MGAT5: variants seen among roughly 807,000 people sequenced by gnomAD.
MGAT5 encodes the protein alpha-1,6-mannosylglycoprotein 6-beta-N-acetylglucosaminyltransferase A.
A neutral mutation model predicts 94.3 loss-of-function variants in MGAT5; 30 were observed. The ratio of observed to expected loss-of-function variants is 0.32; its 90% CI spans 0.24 to 0.43. The LOEUF is 0.43. Among genes scored for constraint, MGAT5 ranks in the 20% least tolerant of loss-of-function variants. MGAT5 has a pLI of 1.00. For synonymous variants in MGAT5, 310 were observed against 322.9 expected, an observed-to-expected ratio of 0.96 and a Z score of 0.43; for missense variants, 691 against 905.5, an observed-to-expected ratio of 0.76 and a Z score of 3.04.
chr2:134,425,257 C>T (rs1364077261), intron 13 of MGAT5, among the ~76,000 whole-genome samples: 1 of 152,052 alleles, frequency 6.6e-6, no homozygotes, highest in Non-Finnish European at 1.5e-5. Context: ...TAATGGAGAC[C>T]GTAAAAGGGT....
chr2:134,151,912 A>G (rs1573751157), intron 1 of MGAT5, among the ~76,000 whole-genome samples: 1 of 126,570 alleles, frequency 7.9e-6, no homozygotes, highest in Non-Finnish European at 1.6e-5. Flanking sequence ...ATGGGACCTC[A>G]CTCACGCCCT....
intron 1 of MGAT5, among the ~76,000 whole-genome samples, chr2:134,170,732 C>T (rs1688162570): frequency 6.6e-6 from 1 of 152,088 alleles, no homozygotes; most frequent in African/African-American, 2.4e-5. Context: ...AGTCCATGAA[C>T]ATCAGAAACA....
intron 1 of MGAT5, among the ~76,000 whole-genome samples, chr2:134,219,526 G>A (rs1447911626): frequency 1.3e-5 from 2 of 152,144 alleles, no homozygotes; most frequent in Non-Finnish European, 2.9e-5. Flanking sequence ...TGAGGAAGCC[G>A]GGATAGTATA....
chr2:134,414,107 G>T (rs1683825160), intron 12 of MGAT5, among the ~76,000 whole-genome samples: 1 of 150,674 alleles, frequency 6.6e-6, no homozygotes, highest in African/African-American at 2.4e-5. Context: ...GTTAATCCGT[G>T]GCCCAGATAA....
Position 134,351,369 on chromosome 2 carries a change from A to T in MGAT5, c.1246+1431A>T, listed in dbSNP as rs114625947. ...GCCTAAGAAGTGACCTATGTGTTAA[A>T]CCAAGTGAAATAAAACATTAACTGT... is the stretch of plus-strand genomic sequence containing the variant. On this transcript the variant is annotated intron_variant, in intron 9 of 15. Transcript: ENST00000281923. Among the ~76,000 whole-genome samples the T allele has an allele frequency of 5.6e-3, 853 of 152,274 alleles. 4 individuals carry two copies. Among genetic ancestry groups the T allele is most frequent in the African/African-American group, 0.02 (822 of 41,570 alleles).
At chr2:134,246,195 G>T (rs575299591) in intron 1 of MGAT5, among the ~76,000 whole-genome samples, 2 of 143,784 alleles carry the variant, frequency 1.4e-5, no homozygotes, top group Non-Finnish European at 3.0e-5. Flanking sequence ...AAAGGACCCA[G>T]GTCCTGAAAG....
At chr2:134,379,405 GAC>G (rs1681396788) in intron 10 of MGAT5, among the ~76,000 whole-genome samples, 1 of 152,222 alleles carries the variant, frequency 6.6e-6, no homozygotes, top group South Asian at 2.1e-4. Flanking sequence ...CTCAGGAATA[GAC>G]ACAGAGGTCT....
chr2:134,133,682 T>A (rs1240801707), intron 1 of MGAT5, among the ~76,000 whole-genome samples: 1 of 152,196 alleles, frequency 6.6e-6, no homozygotes, highest in Non-Finnish European at 1.5e-5. Context: ...AAAGGTTTAA[T>A]CAAAGGGCCA....
chr2:134,412,337 C>A (rs1482740638), intron 11 of MGAT5, among the ~76,000 whole-genome samples: 2 of 152,126 alleles, frequency 1.3e-5, no homozygotes. Flanking sequence ...ATTATGAAAA[C>A]CTGTGTTTAC....
chr2:134,193,571 C>G (rs1252624354), intron 1 of MGAT5, among the ~76,000 whole-genome samples: 1 of 152,120 alleles, frequency 6.6e-6, no homozygotes, highest in Admixed American at 6.5e-5. Context: ...GCCCTCCTTC[C>G]TAGCCCTCTT....
chr2:134,333,524 T>C (rs1213590936), intron 4 of MGAT5, among the ~76,000 whole-genome samples: 1 of 151,714 alleles, frequency 6.6e-6, no homozygotes, highest in Non-Finnish European at 1.5e-5. Flanking sequence ...GCATGGCACA[T>C]GTATACATAT....
rs544396416 is a variant in MGAT5 at position 134,448,844 on chromosome 2, A to G, written c.2223A>G (p.Leu741=). 8.1e-6 allele frequency: 13 copies of G among 1,612,670 alleles called. No homozygotes were observed. Among genetic ancestry groups the G allele is most frequent in the Non-Finnish European group, 9.3e-6 (11 of 1,179,814 alleles). Residue 741 remains leucine, a synonymous_variant, in exon 16 of 16, where the codon CTA becomes CTG. Coordinates refer to ENST00000281923, the MANE Select transcript of MGAT5 (RefSeq NM_002410.5). ...KGQVALCKDC[L] ...AGGTGGCTCTCTGCAAAGACTGCCT[A>G]TAGCAGCTACCTGCTCAGCCCTGCA...
chr2:134,192,661 AT>A (rs1679287228), intron 1 of MGAT5, among the ~76,000 whole-genome samples: 2 of 151,998 alleles, frequency 1.3e-5, no homozygotes, highest in South Asian at 2.1e-4. Flanking sequence ...ACTTTTTAAA[AT>A]TTTTTTATTT....
intron 2 of MGAT5, among the ~76,000 whole-genome samples, chr2:134,294,262 T>C (rs1424545205): frequency 6.6e-6 from 1 of 152,212 alleles, no homozygotes; most frequent in Non-Finnish European, 1.5e-5. Context: ...ATCTCTGCAC[T>C]GGCAGTAAAG....
chr2:134,356,386 C>T (rs911127268), intron 9 of MGAT5, among the ~76,000 whole-genome samples: 1 of 152,048 alleles, frequency 6.6e-6, no homozygotes, highest in Non-Finnish European at 1.5e-5. Context: ...ACAGAGCTGA[C>T]TAAGCCTAAG....
At chr2:134,368,774 G>T (rs926059969) in intron 10 of MGAT5, among the ~76,000 whole-genome samples, 1 of 152,186 alleles carries the variant, frequency 6.6e-6, no homozygotes, top group African/African-American at 2.4e-5. Flanking sequence ...CTGCAAGCCA[G>T]CCACTCCTGC....
intron 12 of MGAT5, 56 bp from the exon 13 acceptor site, chr2:134,422,745 CTA>C (rs1365648269): frequency 7.6e-7 from 1 of 1,319,094 alleles, no homozygotes; most frequent in East Asian, 2.3e-5. Flanking sequence ...AGCACTCCAT[CTA>C]GCACAGGTTA....
chr2:134,175,028 C>T (rs1688393134), intron 1 of MGAT5, among the ~76,000 whole-genome samples: 1 of 152,186 alleles, frequency 6.6e-6, no homozygotes, highest in Admixed American at 6.5e-5. Context: ...ACCTTGCTTT[C>T]CTCCTGGCCC....
At chr2:134,362,893 T>C (rs1315770678) in intron 10 of MGAT5, among the ~76,000 whole-genome samples, 1 of 152,248 alleles carries the variant, frequency 6.6e-6, no homozygotes, top group Non-Finnish European at 1.5e-5. Flanking sequence ...AAATTCTTGC[T>C]GGGGCTGACT....
Sources: allele counts gnomAD v4.1 joint callset (sites outside exome capture counted in the v4.1 genomes callset), GRCh38; gene constraint gnomAD v4.1.1; transcripts MANE v1.5; gene names NCBI Gene and HGNC (gene_info 2026-07-23, HGNC 2026-07-21).